CNTN5: variants seen among roughly 807,000 people sequenced by gnomAD.
The protein encoded by CNTN5 is contactin-5.
Under a neutral mutation model 129.1 loss-of-function variants are expected in CNTN5, and 77 were observed. That is an observed-to-expected ratio of 0.60 (90% CI 0.50 to 0.72). The LOEUF is 0.72. Among genes scored for constraint, CNTN5 ranks in the 30% least tolerant of loss-of-function variants. CNTN5 has a pLI of 0.00. For missense variants in CNTN5, 1,478 were observed against 1,328.8 expected, an observed-to-expected ratio of 1.11 and a Z score of -1.75; for synonymous variants, 509 against 465.6, an observed-to-expected ratio of 1.09 and a Z score of -1.20.
chr11:99,382,807 A>G (rs1488006129), intron 2 of CNTN5, among the ~76,000 whole-genome samples: 2 of 137,400 alleles, frequency 1.5e-5, no homozygotes, highest in Non-Finnish European at 3.1e-5. Context: ...AAGTCAGAGG[A>G]GCCAGGCAAA....
intron 3 of CNTN5, among the ~76,000 whole-genome samples, chr11:99,748,207 A>T (rs1432636788): frequency 6.6e-6 from 1 of 152,032 alleles, no homozygotes. Flanking sequence ...TATGAGGGTA[A>T]TGTTAGTCTT....
chr11:99,553,861 T>A (rs1256694927), intron 2 of CNTN5, among the ~76,000 whole-genome samples: 1 of 151,952 alleles, frequency 6.6e-6, no homozygotes, highest in East Asian at 1.9e-4. Flanking sequence ...TGTAATTATG[T>A]ATCTTAAAAA....
At chr11:99,572,517 AATTGGCACT>A (rs1393744073) in intron 3 of CNTN5, among the ~76,000 whole-genome samples, 2 of 152,092 alleles carry the variant, frequency 1.3e-5, no homozygotes, top group Admixed American at 1.3e-4. Context: ...TCAGTGATAG[AATTGGCACT>A]ATCATAAGAG....
At chr11:99,927,635 G>T (rs1470221123) in intron 7 of CNTN5, among the ~76,000 whole-genome samples, 4 of 152,030 alleles carry the variant, frequency 2.6e-5, no homozygotes, top group Non-Finnish European at 5.9e-5. Flanking sequence ...TGGAGAACTT[G>T]CTCACTGTCA....
At position 99,907,431 on chromosome 11, in the gene CNTN5, A is replaced by G. The variant is rs150275953; in HGVS notation, c.578-8623A>G. ...GTATTTTTACATTATAGTCTTTTCTATATTCTTCAAATAAGGAACAAAACT... is the reference window on the plus strand; with the variant it reads ...GTATTTTTACATTATAGTCTTTTCTGTATTCTTCAAATAAGGAACAAAACT... On this transcript the variant is annotated intron_variant, in intron 6 of 24. Transcript: ENST00000524871. Among the ~76,000 whole-genome samples the G allele has an allele frequency of 2.8e-4, 43 of 152,088 alleles. 1 individual carries two copies. In the South Asian group the frequency reaches 8.7e-3, roughly 31 times the overall value.
chr11:100,303,509 C>T (rs1236607298), intron 20 of CNTN5, among the ~76,000 whole-genome samples: 7 of 151,388 alleles, frequency 4.6e-5, no homozygotes, highest in Non-Finnish European at 7.4e-5. Flanking sequence ...AATAGAAAAA[C>T]AGAAGAAAAA....
intron 4 of CNTN5, among the ~76,000 whole-genome samples, chr11:99,828,819 T>C (rs776055577): frequency 2.6e-4 from 39 of 152,186 alleles, no homozygotes; most frequent in Non-Finnish European, 4.7e-4. Flanking sequence ...TAGTCACAGA[T>C]ATTAAATTTG....
intron 4 of CNTN5, among the ~76,000 whole-genome samples, chr11:99,835,809 T>TA (rs1947284596): frequency 6.6e-6 from 1 of 152,170 alleles, no homozygotes; most frequent in Non-Finnish European, 1.5e-5. Flanking sequence ...TCATAGGCCC[T>TA]AGGCCTGGAA....
chr11:100,041,083 T>C (rs1281175769), intron 9 of CNTN5, among the ~76,000 whole-genome samples: 2 of 152,186 alleles, frequency 1.3e-5, no homozygotes, highest in Non-Finnish European at 2.9e-5. Flanking sequence ...CTAGGAGCTG[T>C]AGACTGGAGC....
intron 1 of CNTN5, among the ~76,000 whole-genome samples, chr11:99,030,482 C>A (rs1304659473): frequency 6.6e-6 from 1 of 151,976 alleles, no homozygotes; most frequent in Admixed American, 6.6e-5. Flanking sequence ...ACAGTGATTA[C>A]CTCTTCTGGA....
At chr11:100,085,260 ATC>A (rs1484466205) in intron 13 of CNTN5, among the ~76,000 whole-genome samples, 10 of 152,014 alleles carry the variant, frequency 6.6e-5, no homozygotes, top group Non-Finnish European at 2.9e-5. Flanking sequence ...TTTCTGGAGT[ATC>A]TGGTATCAAA....
intron 3 of CNTN5, among the ~76,000 whole-genome samples, chr11:99,679,373 A>C (rs936349410): frequency 1.3e-5 from 2 of 152,034 alleles, no homozygotes; most frequent in African/African-American, 4.8e-5. Flanking sequence ...AAACAAGCTT[A>C]CCAGTACCAT....
rs140377242 is a variant in CNTN5, at chr11:99,571,813, T to TA, written c.55+15545dup. On this transcript the variant is annotated intron_variant, in intron 3 of 24. Coordinates refer to ENST00000524871, the MANE Select transcript of CNTN5 (RefSeq NM_014361.4). ...CAAATTAATCATAGTGAATTTCAGTTATAGATTTCTTCTTTACTTAGGACA... is the reference window on the plus strand; with the variant it reads ...CAAATTAATCATAGTGAATTTCAGTTAATAGATTTCTTCTTTACTTAGGACA... Among the ~76,000 whole-genome samples, 424 of 152,330 alleles carry TA rather than the reference T, an allele frequency of 2.8e-3. 2 individuals are homozygous for TA. The highest frequency in any genetic ancestry group is 9.8e-3 in the African/African-American group (408 of 41,576).
At chr11:100,044,226 T>G (rs1309269888) in intron 9 of CNTN5, among the ~76,000 whole-genome samples, 1 of 152,040 alleles carries the variant, frequency 6.6e-6, no homozygotes, top group Non-Finnish European at 1.5e-5. Flanking sequence ...TTCCAGTCAG[T>G]CATTAATGGA....
intron 1 of CNTN5, among the ~76,000 whole-genome samples, chr11:99,129,453 T>TA (rs1156552119): frequency 2.0e-4 from 30 of 152,176 alleles, no homozygotes; most frequent in South Asian, 1.9e-3. Context: ...CTGAGAACTA[T>TA]GGGACTATGT....
At chr11:99,160,161 G>T (rs961338148) in intron 1 of CNTN5, among the ~76,000 whole-genome samples, 1 of 152,132 alleles carries the variant, frequency 6.6e-6, no homozygotes, top group African/African-American at 2.4e-5. Context: ...TTTCATAGAG[G>T]ACTTTGTAGT....
intron 2 of CNTN5, among the ~76,000 whole-genome samples, chr11:99,462,645 A>G (rs1164300616): frequency 6.6e-6 from 1 of 152,192 alleles, no homozygotes; most frequent in Non-Finnish European, 1.5e-5. Context: ...ACATCCTCCA[A>G]AAGAGTCCGG....
At chr11:100,109,566 C>G (rs1000590605) in intron 13 of CNTN5, among the ~76,000 whole-genome samples, 5 of 152,146 alleles carry the variant, frequency 3.3e-5, no homozygotes, top group African/African-American at 1.2e-4. Flanking sequence ...AAAATACTAA[C>G]TAAACTTGAC....
chr11:99,111,572 A>G (rs950352136), intron 1 of CNTN5, among the ~76,000 whole-genome samples: 4 of 152,016 alleles, frequency 2.6e-5, no homozygotes, highest in African/African-American at 7.2e-5. Context: ...TATACTGAAA[A>G]TTCAGTAATT....
Sources: gnomAD v4.1 joint callset for allele counts (sites outside exome capture counted in the v4.1 genomes callset) on GRCh38, gnomAD v4.1.1 for gene constraint, MANE v1.5 for transcripts, NCBI Gene and HGNC (gene_info 2026-07-23, HGNC 2026-07-21) for gene names.